WDR27: variants seen among roughly 807,000 people sequenced by gnomAD.
WDR27 encodes WD repeat domain 27, also known as WD repeat-containing protein 27.
In WDR27, 100 loss-of-function variants were observed where a neutral mutation model predicts 114.4. The observed-to-expected ratio is 0.87, with a 90% CI of 0.74 to 1.03. WDR27 has a LOEUF of 1.03. Ranked by LOEUF, WDR27 falls within the 50% of genes least tolerant of loss-of-function variation. WDR27 has a pLI of 0.00. For synonymous variants in WDR27, 449 were observed against 423.1 expected (o/e 1.06, Z -0.75); for missense variants, 1,129 against 1,092.9 (o/e 1.03, Z -0.47).
At chr6:169,547,567 A>T (rs1444730819) in intron 25 of WDR27, among the ~76,000 whole-genome samples, 1 of 152,222 alleles carries the variant, frequency 6.6e-6, no homozygotes, top group East Asian at 1.9e-4. Context: ...AGGCTAAAAA[A>T]TATCAATAGA....
intron 17 of WDR27, among the ~76,000 whole-genome samples, chr6:169,639,153 G>GT (rs1211669985): frequency 1.4e-5 from 2 of 148,118 alleles, no homozygotes; most frequent in East Asian, 4.0e-4. Flanking sequence ...GTACTGTGTG[G>GT]GGCGTGTACT....
At chr6:169,650,819 C>T (rs1022353454) in intron 14 of WDR27, among the ~76,000 whole-genome samples, 7 of 151,572 alleles carry the variant, frequency 4.6e-5, no homozygotes, top group South Asian at 2.1e-4. Flanking sequence ...CATGCACACA[C>T]GCATCCATCT....
At chr6:169,561,082 T>C (rs1165551878) in intron 25 of WDR27, among the ~76,000 whole-genome samples, 1 of 152,178 alleles carries the variant, frequency 6.6e-6, no homozygotes, top group Non-Finnish European at 1.5e-5. Context: ...AAAAATGCCA[T>C]AAACTGGGTG....
intron 16 of WDR27, 167 bp downstream of exon 16, chr6:169,647,606 G>A (rs1302972708): frequency 5.6e-6 from 4 of 715,878 alleles, no homozygotes; most frequent in Non-Finnish European, 9.9e-6. Flanking sequence ...CGAGTGAAAC[G>A]CAGTCTCGGT....
At chr6:169,666,421 TG>T in intron 6 of WDR27, 6 of 985,470 alleles carry the variant, frequency 6.1e-6, no homozygotes, top group Non-Finnish European at 7.2e-6. Context: ...ACTTACCGCA[TG>T]GAAGAACGCT....
chr6:169,450,650 A>T, the WDR27 span, among the ~76,000 whole-genome samples: 2 of 152,222 alleles, frequency 1.3e-5, no homozygotes, highest in African/African-American at 4.8e-5. Context: ...CAGGCCCCAG[A>T]GTACACTGGG....
intron 23 of WDR27, among the ~76,000 whole-genome samples, chr6:169,599,121 A>T (rs2128165988): frequency 6.6e-6 from 1 of 151,506 alleles, no homozygotes; most frequent in Admixed American, 6.6e-5. Flanking sequence ...TATATCTCCT[A>T]ATGCTATCCC....
rs763059214 is a variant in WDR27, at chr6:169,651,183, C to CGGGGG, written c.1481+742_1481+746dup. On this transcript the variant is annotated intron_variant, in intron 14 of 25. Transcript: ENST00000448612. ...CTGCCTGGAGCACAGCAGTGCGGGG[C>CGGGGG]GGGGGGGGGGAGTGGGGGAGTGGGG... is the stretch of plus-strand genomic sequence containing the variant. Among the ~76,000 whole-genome samples, 33 of 7,722 alleles carry CGGGGG rather than the reference C, an allele frequency of 4.3e-3. 2 individuals are homozygous for CGGGGG. Among genetic ancestry groups the CGGGGG allele is most frequent in the South Asian group, 0.026 (5 of 194 alleles). 5.1% of individuals were successfully genotyped at this position (7,722 alleles called of 152,430 possible). A position where few individuals can be genotyped will look rare whatever the true frequency, so the allele number is the denominator to read the frequency against.
chr6:169,471,360 G>T (rs984652414), intron 25 of WDR27, among the ~76,000 whole-genome samples: 1 of 151,992 alleles, frequency 6.6e-6, no homozygotes, highest in Non-Finnish European at 1.5e-5. Context: ...AATTACAAAA[G>T]AATTGGGAAA....
chr6:169,668,295 G>T, intron 4 of WDR27, 110 bp from the exon 5 acceptor site: 1 of 1,084,194 alleles, frequency 9.2e-7, no homozygotes, highest in Non-Finnish European at 1.3e-6. Flanking sequence ...CAGGCGACAG[G>T]CACAGTCTCA....
intron 25 of WDR27, among the ~76,000 whole-genome samples, chr6:169,502,830 G>A (rs985179560): frequency 2.0e-5 from 3 of 152,098 alleles, no homozygotes; most frequent in African/African-American, 7.2e-5. Flanking sequence ...CCAGGACCAC[G>A]GTTTTCCTCA....
At chr6:169,457,973 C>CGGAGGAGGAGGA (rs148934854) in intron 25 of WDR27, among the ~76,000 whole-genome samples, 39,817 of 110,604 alleles carry the variant, frequency 0.36, 9,076 homozygotes, top group Non-Finnish European at 0.46. Context: ...GCACTCCTGA[C>CGGAGGAGGAGGA]GGAGGAGGAG....
At chr6:169,556,016 T>C (rs1204214731) in intron 25 of WDR27, among the ~76,000 whole-genome samples, 1 of 152,212 alleles carries the variant, frequency 6.6e-6, no homozygotes, top group African/African-American at 2.4e-5. Context: ...ATGTGACCCC[T>C]GTCTGTGAGC....
At chr6:169,559,237 A>C (rs1799327681) in intron 25 of WDR27, 1 of 152,212 alleles carries the variant, frequency 6.6e-6, no homozygotes, top group Non-Finnish European at 1.5e-5. Flanking sequence ...TTGAATGTAA[A>C]GTAGGTAGCG....
intron 13 of WDR27, among the ~76,000 whole-genome samples, chr6:169,654,599 A>G (rs923361781): frequency 1.3e-5 from 2 of 152,234 alleles, no homozygotes; most frequent in Non-Finnish European, 2.9e-5. Context: ...GCCGGTTTCC[A>G]GGTTCTTGGC....
At chr6:169,667,074 GC>G in intron 6 of WDR27, 61 bp downstream of exon 6, 1 of 1,443,462 alleles carries the variant, frequency 6.9e-7, no homozygotes, top group Non-Finnish European at 9.1e-7. Flanking sequence ...CCTGTAATAT[GC>G]TCTAGAAAAA....
At chr6:169,484,718 A>G (rs947056003) in intron 25 of WDR27, among the ~76,000 whole-genome samples, 3 of 152,244 alleles carry the variant, frequency 2.0e-5, no homozygotes, top group African/African-American at 4.8e-5. Context: ...TAGCCAAGGC[A>G]ATCCTAAGCA....
the WDR27 span, among the ~76,000 whole-genome samples, chr6:169,438,621 G>A: frequency 6.6e-6 from 1 of 152,276 alleles, no homozygotes; most frequent in African/African-American, 2.4e-5. Flanking sequence ...TTAATAAAGT[G>A]TACACTCATA....
intron 25 of WDR27, among the ~76,000 whole-genome samples, chr6:169,476,909 C>T (rs564348189): frequency 1.3e-5 from 2 of 152,134 alleles, no homozygotes; most frequent in Non-Finnish European, 2.9e-5. Context: ...CCAGTCATCA[C>T]TCTTGTTTGT....
Sources: allele counts gnomAD v4.1 joint callset (sites outside exome capture counted in the v4.1 genomes callset), GRCh38; gene constraint gnomAD v4.1.1; transcripts MANE v1.5; gene names NCBI Gene and HGNC (gene_info 2026-07-23, HGNC 2026-07-21).